Variants in RBM20 observed in about 807,000 individuals in gnomAD.
RBM20 encodes the protein RNA binding motif protein 20, also known as RNA-binding protein 20.
A neutral mutation model predicts 110.1 loss-of-function variants in RBM20; 51 were observed. That is an observed-to-expected ratio of 0.46 (90% confidence interval 0.37 to 0.59). The LOEUF is 0.59. Among genes scored for constraint, RBM20 ranks in the 20% least tolerant of loss-of-function variants. The pLI is 0.00. For synonymous variants in RBM20, 589 were observed against 618.2 expected, an observed-to-expected ratio of 0.95 and a Z score of 0.70; for missense variants, 1,512 against 1,574.9, an observed-to-expected ratio of 0.96 and a Z score of 0.68.
chr10:110,743,683 C>G (rs1843746555), intron 1 of RBM20, among the ~76,000 whole-genome samples: 1 of 152,180 alleles, frequency 6.6e-6, no homozygotes. Flanking sequence ...GTGGCACAAA[C>G]TCAGCTCACT....
At chr10:110,765,173 A>C (rs1442600728) in intron 1 of RBM20, among the ~76,000 whole-genome samples, 1 of 152,208 alleles carries the variant, frequency 6.6e-6, no homozygotes, top group African/African-American at 2.4e-5. Context: ...AGATTGAGTT[A>C]TCACCAGATC....
intron 5 of RBM20, among the ~76,000 whole-genome samples, chr10:110,789,218 A>G (rs1042792249): frequency 3.3e-5 from 5 of 152,206 alleles, no homozygotes; most frequent in Admixed American, 3.3e-4. Context: ...GCAAGAGAAG[A>G]CCAAAGTGAC....
At chr10:110,815,899 A>G (rs11195342) in intron 9 of RBM20, among the ~76,000 whole-genome samples, 59,901 of 151,884 alleles carry the variant, frequency 0.39, 12,375 homozygotes, top group East Asian at 0.51. Flanking sequence ...CCCCTCACAG[A>G]TTGTGTCTTT....
In RBM20 at chr10:110,655,968, C is replaced by T. The variant is rs539131786; in HGVS notation, c.191+11323C>T. On this transcript the variant is annotated intron_variant, in intron 1 of 13. Coordinates refer to ENST00000369519, the MANE Select transcript of RBM20 (RefSeq NM_001134363.3). The stretch of plus-strand genomic sequence containing the variant: ...GTAAGCTGCACATGTTTAAAGCATC[C>T]ATCAGGATCCATTAAACCATTAAAC... Among the ~76,000 whole-genome samples the T allele has an allele frequency of 9.0e-4, 137 of 151,744 alleles. 1 individual carries two copies. The highest frequency in any genetic ancestry group is 1.6e-3 in the Non-Finnish European group (112 of 67,932).
At chr10:110,824,134 A>C (rs1424084479) in intron 12 of RBM20, among the ~76,000 whole-genome samples, 1 of 152,160 alleles carries the variant, frequency 6.6e-6, no homozygotes, top group Non-Finnish European at 1.5e-5. Flanking sequence ...TACTCCGTGA[A>C]AACAGCCTTG....
chr10:110,670,499 A>G (rs953178291), intron 1 of RBM20, among the ~76,000 whole-genome samples: 4 of 152,146 alleles, frequency 2.6e-5, no homozygotes, highest in African/African-American at 4.8e-5. Context: ...TTCTTTCACC[A>G]TCATTATGAT....
At chr10:110,780,338 T>C (rs1844320770) in intron 1 of RBM20, among the ~76,000 whole-genome samples, 1 of 152,194 alleles carries the variant, frequency 6.6e-6, no homozygotes, top group Admixed American at 6.5e-5. Context: ...GTATCAAATT[T>C]TGTCTGCATT....
At chr10:110,792,080 T>G (rs1338583968) in intron 5 of RBM20, among the ~76,000 whole-genome samples, 1 of 152,210 alleles carries the variant, frequency 6.6e-6, no homozygotes, top group Non-Finnish European at 1.5e-5. Flanking sequence ...CCAGATTAAT[T>G]TCACTACTCC....
At chr10:110,662,398 A>G (rs1470500896) in intron 1 of RBM20, among the ~76,000 whole-genome samples, 1 of 152,218 alleles carries the variant, frequency 6.6e-6, no homozygotes, top group Non-Finnish European at 1.5e-5. Context: ...CAGTTCCTTG[A>G]GAACATCACT....
At chr10:110,809,282 G>T (rs182746413) in intron 7 of RBM20, among the ~76,000 whole-genome samples, 2 of 137,904 alleles carry the variant, frequency 1.5e-5, no homozygotes, top group Non-Finnish European at 1.6e-5. Flanking sequence ...AAAAAAAGTC[G>T]ATTAAATTTA....
intron 1 of RBM20, among the ~76,000 whole-genome samples, chr10:110,716,212 G>C (rs989132616): frequency 5.3e-5 from 8 of 152,178 alleles, no homozygotes; most frequent in Non-Finnish European, 1.0e-4. Flanking sequence ...TGGTAGGTGC[G>C]TAATTAGGGG....
At chr10:110,668,652 G>C (rs146597660) in intron 1 of RBM20, among the ~76,000 whole-genome samples, 1 of 152,048 alleles carries the variant, frequency 6.6e-6, no homozygotes, top group Non-Finnish European at 1.5e-5. Context: ...GAGAGTTTGC[G>C]ATGAGTGATG....
At chr10:110,686,311 C>T (rs1305684278) in intron 1 of RBM20, among the ~76,000 whole-genome samples, 2 of 151,886 alleles carry the variant, frequency 1.3e-5, no homozygotes, top group Non-Finnish European at 2.9e-5. Context: ...ATGATTCTTC[C>T]GCTTGGCCCC....
intron 11 of RBM20, chr10:110,822,429 G>A (rs1564664949): frequency 2.2e-6 from 1 of 457,126 alleles, no homozygotes; most frequent in East Asian, 6.9e-5. Context: ...TTTTGCTAGG[G>A]TCTGACAGTG....
chr10:110,767,117 C>A (rs1430158921), intron 1 of RBM20, among the ~76,000 whole-genome samples: 1 of 102,796 alleles, frequency 9.7e-6, no homozygotes, highest in Non-Finnish European at 2.1e-5. Flanking sequence ...GGGCGGCTGA[C>A]CCCCCCCACC....
At chr10:110,809,644 C>G (rs987855736) in intron 7 of RBM20, among the ~76,000 whole-genome samples, 26 of 152,296 alleles carry the variant, frequency 1.7e-4, no homozygotes, top group African/African-American at 6.3e-4. Flanking sequence ...TGGCTGCCTA[C>G]TATTCTCAGC....
chr10:110,758,833 G>A (rs928060395), intron 1 of RBM20, among the ~76,000 whole-genome samples: 2 of 152,144 alleles, frequency 1.3e-5, no homozygotes, highest in Non-Finnish European at 2.9e-5. Flanking sequence ...TTTCAGGTAG[G>A]GAGGGCAGCT....
intron 7 of RBM20, among the ~76,000 whole-genome samples, chr10:110,802,170 T>C (rs892844248): frequency 5.3e-5 from 8 of 152,226 alleles, no homozygotes; most frequent in African/African-American, 1.4e-4. Context: ...AGGGTCCATT[T>C]TGTCTAAGAC....
At chr10:110,811,717 A>G (rs1844769655) in intron 8 of RBM20, among the ~76,000 whole-genome samples, 1 of 152,052 alleles carries the variant, frequency 6.6e-6, no homozygotes, top group Non-Finnish European at 1.5e-5. Flanking sequence ...CCCAATAGTT[A>G]GCATCCCTTT....
Sources: gnomAD v4.1 joint callset for allele counts (sites outside exome capture counted in the v4.1 genomes callset) on GRCh38, gnomAD v4.1.1 for gene constraint, MANE v1.5 for transcripts, NCBI Gene and HGNC (gene_info 2026-07-23, HGNC 2026-07-21) for gene names.